ADAM10: variants seen among roughly 807,000 people sequenced by gnomAD.
The protein encoded by ADAM10 is ADAM metallopeptidase domain 10.
In ADAM10, 17 loss-of-function variants were observed where a neutral mutation model predicts 90.1. The observed-to-expected ratio is 0.19, with a 90% CI of 0.13 to 0.28. The LOEUF (loss-of-function observed/expected upper bound fraction) is 0.28. Ranked by LOEUF, ADAM10 falls within the 10% of genes least tolerant of loss-of-function variation. The pLI is 1.00. For synonymous variants in ADAM10, 310 were observed against 298.6 expected (o/e 1.04, Z -0.40); for missense variants, 610 against 914.3 (o/e 0.67, Z 4.29).
chr15:58,704,396 T>C (rs904458894), intron 2 of ADAM10, among the ~76,000 whole-genome samples: 1 of 152,144 alleles, frequency 6.6e-6, no homozygotes, highest in Non-Finnish European at 1.5e-5. Flanking sequence ...ACGTTGTGCA[T>C]GTACTTAATG....
At position 58,665,024 on chromosome 15, in the gene ADAM10, T is replaced by C. The variant is rs543168869; in HGVS notation, c.585+73A>G. The C allele has an allele frequency of 3.3e-5, 39 of 1,172,098 alleles. No individual in the cohort carries two copies. In the South Asian group the frequency reaches 4.5e-4, roughly 14 times the overall value. 72.6% of individuals were successfully genotyped at this position (1,172,098 alleles called of 1,614,324 possible). ...AGTCTTTCAGAAATCCTAGAACATA[T>C]ATTTTAAATGTAGATATACATCCTC... On this transcript the variant is annotated intron_variant, in intron 5 of 15. Transcript: ENST00000260408.
chr15:58,593,149 A>ATTTTTTTTTTTTTTTT lies in ADAM10; in HGVS notation c.*4382_*4397dup, dbSNP rs766149223. On this transcript the variant is annotated 3_prime_UTR_variant, in exon 16 of 16. Coordinates refer to ENST00000260408, the MANE Select transcript of ADAM10 (RefSeq NM_001110.4). ...AAAGTAACAAAGGCCAGGTACTCAAATTTTTTTTTTTTTTTTTTTTTTTTT... is the reference window on the plus strand; with the variant it reads ...AAAGTAACAAAGGCCAGGTACTCAAATTTTTTTTTTTTTTTTTTTTTTTTTTTTTTTTTTTTTTTTT... The ATTTTTTTTTTTTTTTT allele has an allele frequency of 1.5e-5, 1 of 68,402 alleles. No homozygotes were observed. The highest frequency in any genetic ancestry group is 2.8e-5 in the Non-Finnish European group (1 of 36,234). The allele number at this position is 68,402 out of a possible 1,614,324, so 4.2% of individuals were successfully genotyped here.
rs1328072530 is a variant in ADAM10, at chr15:58,627,727, C to G, written c.1333G>C (p.Glu445Gln). 1.9e-6 allele frequency: 3 copies of G among 1,613,054 alleles called. No individual in the cohort carries two copies. In the African/African-American group the frequency reaches 4.0e-5, roughly 22 times the overall value. ...CSIRNISQVLEKKRNNCFVES... is the reference protein window; with the variant it reads ...CSIRNISQVLQKKRNNCFVES... Reference sequence around the variant, plus strand: ...ACAAAACAGTTGTTTCTCTTCTTCTCAAGAACTTGGCTTATATTTCTAATA... The same window carrying G: ...ACAAAACAGTTGTTTCTCTTCTTCTGAAGAACTTGGCTTATATTTCTAATA... The change falls in exon 10 of 16, where the codon GAG (glutamate) becomes CAG (glutamine). Residue 445 changes from glutamate (E) to glutamine (Q), a missense_variant. Glu to Gln is a conservative substitution (Grantham distance 29). Coordinates refer to ENST00000260408, the MANE Select transcript of ADAM10 (RefSeq NM_001110.4).
At chr15:58,688,160 G>A (rs775985309) in intron 2 of ADAM10, among the ~76,000 whole-genome samples, 2 of 152,104 alleles carry the variant, frequency 1.3e-5, no homozygotes, top group Non-Finnish European at 2.9e-5. Context: ...GGGAGACTGG[G>A]GGAAAGATGT....
At chr15:58,745,649 C>T (rs147540795) in intron 1 of ADAM10, among the ~76,000 whole-genome samples, 5 of 152,128 alleles carry the variant, frequency 3.3e-5, no homozygotes, top group Admixed American at 2.6e-4. Flanking sequence ...TAAGGGGTCA[C>T]AGTCAAACAT....
At chr15:58,655,981 A>T (rs1390382408) in intron 5 of ADAM10, among the ~76,000 whole-genome samples, 2 of 151,660 alleles carry the variant, frequency 1.3e-5, no homozygotes, top group African/African-American at 4.8e-5. Context: ...TCCTGGCCTC[A>T]GGTGATCCAC....
intron 4 of ADAM10, 25 bp downstream of exon 4, chr15:58,679,099 T>C: frequency 3.1e-6 from 5 of 1,606,376 alleles, no homozygotes; most frequent in Non-Finnish European, 4.3e-6. Context: ...TGAAAAAGGC[T>C]ACTTGATAAA....
At chr15:58,710,709 C>A (rs1595644230) in intron 2 of ADAM10, among the ~76,000 whole-genome samples, 1 of 152,114 alleles carries the variant, frequency 6.6e-6, no homozygotes, top group South Asian at 2.1e-4. Context: ...GATTTAACTA[C>A]CATCAGTATT....
chr15:58,736,274 TTC>T (rs1899427240), intron 1 of ADAM10, among the ~76,000 whole-genome samples: 1 of 152,206 alleles, frequency 6.6e-6, no homozygotes, highest in East Asian at 1.9e-4. Context: ...CTCCTTTCTC[TTC>T]TGTTACTTTA....
intron 11 of ADAM10, among the ~76,000 whole-genome samples, chr15:58,619,671 A>G (rs1051840864): frequency 2.0e-5 from 3 of 152,026 alleles, no homozygotes; most frequent in South Asian, 2.1e-4. Context: ...TTGGGAGGCC[A>G]AGGCGGGAGG....
chr15:58,686,434 C>T (rs1195702153), intron 2 of ADAM10: 8 of 1,350,372 alleles, frequency 5.9e-6, no homozygotes, highest in Middle Eastern at 1.8e-4. Flanking sequence ...CTAGCGCGAG[C>T]GCCCTGCAGT....
At chr15:58,732,909 T>C (rs536034797) in intron 1 of ADAM10, 1 of 153,038 alleles carries the variant, frequency 6.5e-6, no homozygotes, top group Non-Finnish European at 1.5e-5. Context: ...GTTGTAAATG[T>C]GGAAAATTCT....
intron 2 of ADAM10, among the ~76,000 whole-genome samples, chr15:58,688,899 A>G (rs1897691832): frequency 6.7e-6 from 1 of 149,870 alleles, no homozygotes; most frequent in Non-Finnish European, 1.5e-5. Flanking sequence ...ACAGAGAGAT[A>G]AAGAGTTTAA....
At chr15:58,676,942 C>G (rs1272918226) in intron 4 of ADAM10, among the ~76,000 whole-genome samples, 1 of 152,206 alleles carries the variant, frequency 6.6e-6, no homozygotes, top group Non-Finnish European at 1.5e-5. Context: ...AAACATACAG[C>G]TCTCAAAGCC....
intron 8 of ADAM10, among the ~76,000 whole-genome samples, chr15:58,637,565 T>C (rs922132481): frequency 5.3e-5 from 8 of 152,212 alleles, no homozygotes; most frequent in Non-Finnish European, 1.0e-4. Flanking sequence ...TAGCTTAGTA[T>C]GATTTTATAA....
chr15:58,644,756 G>C (rs1206429279), intron 6 of ADAM10, among the ~76,000 whole-genome samples: 1 of 152,112 alleles, frequency 6.6e-6, no homozygotes, highest in Non-Finnish European at 1.5e-5. Context: ...TGTAAACTTT[G>C]TTGACCCCTT....
intron 2 of ADAM10, among the ~76,000 whole-genome samples, chr15:58,688,766 T>TTATATATATATATATATATATATATATA (rs780219725): frequency 2.2e-4 from 27 of 121,848 alleles, no homozygotes; most frequent in African/African-American, 8.1e-4. Flanking sequence ...AAAAAAAAAA[T>TTATATATATATATATATATATATATATA]TATATATATA....
chr15:58,667,901 T>C (rs1407977720), intron 4 of ADAM10, among the ~76,000 whole-genome samples: 1 of 152,032 alleles, frequency 6.6e-6, no homozygotes, highest in East Asian at 1.9e-4. Flanking sequence ...CATGTCTAAT[T>C]TCTGTTTTGG....
intron 2 of ADAM10, among the ~76,000 whole-genome samples, chr15:58,701,828 C>A (rs531410207): frequency 6.6e-6 from 1 of 151,892 alleles, no homozygotes; most frequent in East Asian, 1.9e-4. Context: ...TAATAAGGCC[C>A]GGAGCAGTGA....
Sources: gnomAD v4.1 joint callset for allele counts (sites outside exome capture counted in the v4.1 genomes callset) on GRCh38, gnomAD v4.1.1 for gene constraint, MANE v1.5 for transcripts, NCBI Gene and HGNC (gene_info 2026-07-23, HGNC 2026-07-21) for gene names.